Variants in LSM6 observed in about 807,000 individuals in gnomAD.
LSM6 encodes the protein LSM6 homolog, U6 small nuclear RNA and mRNA degradation associated, also known as U6 snRNA-associated Sm-like protein LSm6.
LSM6 carries 2 observed loss-of-function variants against 13.5 expected under a neutral mutation model. That is an observed-to-expected ratio of 0.15 (90% CI 0.06 to 0.47). LSM6 has a LOEUF of 0.47. Ranked by LOEUF, LSM6 falls within the 20% of genes least tolerant of loss-of-function variation. The probability of loss-of-function intolerance (pLI) is 0.97; values close to 1 mark genes in which losing one functional copy is unlikely to be tolerated. For missense variants in LSM6, 58 were observed against 96.4 expected, an observed-to-expected ratio of 0.60 and a Z score of 1.67; for synonymous variants, 43 against 34.9, an observed-to-expected ratio of 1.23 and a Z score of -0.82.
rs200904656 is a variant in LSM6, at chr4:146,189,694, A to AT, written c.*45dup. On this transcript the variant is annotated 3_prime_UTR_variant, in exon 4 of 4. Transcript: ENST00000296581. Reference sequence around the variant, plus strand: ...AGCAACGCTTTTCATAGTTGGATATATTTTTTTATGAATTTTTTCTAATTT... The same window carrying AT: ...AGCAACGCTTTTCATAGTTGGATATATTTTTTTTATGAATTTTTTCTAATTT... 0.01 allele frequency: 15,411 copies of AT among 1,537,594 alleles called. 98 individuals are homozygous for AT. Among genetic ancestry groups the AT allele is most frequent in the Non-Finnish European group, 0.012 (14,007 of 1,129,624 alleles).
At chr4:146,187,829 A>G (rs17757685) in intron 3 of LSM6, among the ~76,000 whole-genome samples, 36,144 of 152,154 alleles carry the variant, frequency 0.24, 4,859 homozygotes, top group Non-Finnish European at 0.3. Context: ...TGCATCCTTC[A>G]GTTTGGCAAA....
intron 2 of LSM6, among the ~76,000 whole-genome samples, chr4:146,184,422 C>T (rs554750834): frequency 3.8e-4 from 58 of 152,152 alleles, no homozygotes; most frequent in Non-Finnish European, 7.1e-4. Context: ...AGGCTCGGCT[C>T]ATAAGCCTTG....
rs1730440892 is a variant in LSM6, at chr4:146,190,245, G to A, written c.*589G>A. The A allele has an allele frequency of 6.6e-6, 1 of 152,434 alleles. No individual in the cohort carries two copies. Among genetic ancestry groups the A allele is most frequent in the Admixed American group, 6.5e-5 (1 of 15,286 alleles). The allele number at this position is 152,434 out of a possible 1,614,324, so 9.4% of individuals were successfully genotyped here. ...CACATAAGGAGTGGGAATTCGAACT[G>A]AGGTGCTGGAGAAATCCTAAAGATG... On this transcript the variant is annotated 3_prime_UTR_variant, in exon 4 of 4. Coordinates refer to ENST00000296581, the MANE Select transcript of LSM6 (RefSeq NM_007080.3).
intron 1 of LSM6, among the ~76,000 whole-genome samples, chr4:146,180,487 TTAA>T (rs561284211): frequency 6.6e-5 from 10 of 151,800 alleles, no homozygotes; most frequent in Non-Finnish European, 1.5e-4. Flanking sequence ...AAAGTTAATA[TTAA>T]TAATACTTTT....
intron 3 of LSM6, 29 bp from the exon 4 acceptor site, chr4:146,189,593 T>A (rs751019040): frequency 3.9e-6 from 6 of 1,520,100 alleles, no homozygotes; most frequent in Non-Finnish European, 4.5e-6. Context: ...GTTTTTTAAA[T>A]TTCAATTTAT....
intron 1 of LSM6, among the ~76,000 whole-genome samples, chr4:146,180,324 G>C (rs1269865886): frequency 6.6e-6 from 1 of 152,176 alleles, no homozygotes; most frequent in Admixed American, 6.5e-5. Context: ...AACCCTGTGC[G>C]CCTGAACTTG....
intron 1 of LSM6, among the ~76,000 whole-genome samples, chr4:146,178,966 C>G (rs528829112): frequency 6.6e-6 from 1 of 152,320 alleles, no homozygotes; most frequent in East Asian, 1.9e-4. Flanking sequence ...GAATCTAACT[C>G]TGGTAGCACA....
At position 146,190,597 on chromosome 4, in the gene LSM6, G is replaced by C. The variant is rs1449389695; in HGVS notation, c.*941G>C. On this transcript the variant is annotated 3_prime_UTR_variant, in exon 4 of 4. Coordinates refer to ENST00000296581, the MANE Select transcript of LSM6 (RefSeq NM_007080.3). The stretch of plus-strand genomic sequence containing the variant: ...TGTATTTGCCTTTGACATTGTCCAG[G>C]AGCAGAGCACCAGGCTTTATGTTGC... The C allele has an allele frequency of 6.6e-6, 1 of 152,272 alleles. No homozygotes were observed. The highest frequency in any genetic ancestry group is 2.4e-5 in the African/African-American group (1 of 41,460). 9.4% of individuals were successfully genotyped at this position (152,272 alleles called of 1,614,324 possible). A position where few individuals can be genotyped will look rare whatever the true frequency, so the allele number is the denominator to read the frequency against.
Position 146,177,501 on chromosome 4 carries a change from A to G in LSM6, c.-11+1690A>G, listed in dbSNP as rs1730136810. ...TTTCAGGTTCCCTATATGTTAGAAT[A>G]AAACACCCCTGATTAATTATAACCT... On this transcript the variant is annotated intron_variant, in intron 1 of 3. Coordinates refer to ENST00000296581, the MANE Select transcript of LSM6 (RefSeq NM_007080.3). 2.0e-5 allele frequency among the ~76,000 whole-genome samples: 3 copies of G among 152,194 alleles called. 1 individual carries two copies. In the South Asian group the frequency reaches 6.2e-4, roughly 32 times the overall value.
At chr4:146,180,098 G>C (rs1730200782) in intron 1 of LSM6, among the ~76,000 whole-genome samples, 1 of 152,222 alleles carries the variant, frequency 6.6e-6, no homozygotes, top group Non-Finnish European at 1.5e-5. Flanking sequence ...TTCAGCTAGG[G>C]GGTGACGCCT....
At chr4:146,183,062 A>G (rs1394885478) in intron 2 of LSM6, 47 bp downstream of exon 2, 7 of 1,309,984 alleles carry the variant, frequency 5.3e-6, no homozygotes, top group South Asian at 3.5e-5. Flanking sequence ...GAATAAGTAA[A>G]TGTGACTTAC....
chr4:146,185,990 A>G (rs1038025435), intron 2 of LSM6, among the ~76,000 whole-genome samples: 5 of 151,904 alleles, frequency 3.3e-5, no homozygotes, highest in African/African-American at 9.7e-5. Context: ...GCCAGCTTCT[A>G]CCTCCCAAAG....
At chr4:146,187,022 G>A (rs1468998001) in intron 2 of LSM6, among the ~76,000 whole-genome samples, 1 of 152,152 alleles carries the variant, frequency 6.6e-6, no homozygotes, top group Non-Finnish European at 1.5e-5. Context: ...GTGGTCATAC[G>A]TACCATGAGG....
chr4:146,181,500 C>T (rs1010858135), intron 1 of LSM6, among the ~76,000 whole-genome samples: 2 of 152,156 alleles, frequency 1.3e-5, no homozygotes, highest in East Asian at 3.9e-4. Flanking sequence ...CTGCTGATCC[C>T]GTGTGAATTC....
chr4:146,184,683 A>G (rs1310966556), intron 2 of LSM6, among the ~76,000 whole-genome samples: 4 of 152,182 alleles, frequency 2.6e-5, no homozygotes, highest in Non-Finnish European at 4.4e-5. Flanking sequence ...ATGTCTTCTC[A>G]GTACCCACTT....
intron 1 of LSM6, among the ~76,000 whole-genome samples, chr4:146,176,940 G>A (rs1002636322): frequency 1.3e-5 from 2 of 152,046 alleles, no homozygotes; most frequent in Admixed American, 6.6e-5. Flanking sequence ...ACACATTGCT[G>A]CAGTGTTTTC....
Position 146,175,735 on chromosome 4 carries a change from C to A in LSM6, c.-87C>A, listed in dbSNP as rs551066115. The stretch of plus-strand genomic sequence containing the variant: ...AAAAGTGCCCCTGCCTCGGCGCTTT[C>A]GGTTTTGGCTGGGATCATCCGCGGC... On this transcript the variant is annotated 5_prime_UTR_variant, in exon 1 of 4. Transcript: ENST00000296581. 3 of 152,300 alleles carry A rather than the reference C, an allele frequency of 2.0e-5. No homozygotes were observed. Among genetic ancestry groups the A allele is most frequent in the African/African-American group, 7.2e-5 (3 of 41,456 alleles). 9.4% of individuals were successfully genotyped at this position (152,300 alleles called of 1,614,324 possible).
At chr4:146,189,251 C>T (rs936532089) in intron 3 of LSM6, among the ~76,000 whole-genome samples, 6 of 152,142 alleles carry the variant, frequency 3.9e-5, no homozygotes, top group African/African-American at 1.4e-4. Context: ...CTTCAGCCTC[C>T]CAAAGTGCTA....
chr4:146,189,746 C>A lies in LSM6; in HGVS notation c.*90C>A. The A allele has an allele frequency of 1.2e-6, 1 of 860,262 alleles. No individual in the cohort carries two copies. The highest frequency in any genetic ancestry group is 1.6e-5 in the South Asian group (1 of 63,518). 53.3% of individuals were successfully genotyped at this position (860,262 alleles called of 1,614,324 possible). The stretch of plus-strand genomic sequence containing the variant: ...TGCTTCTTTTGTGATACAATTTGTC[C>A]TCTTTTTATAATAGTTGGTGATTTT... On this transcript the variant is annotated 3_prime_UTR_variant, in exon 4 of 4. Transcript: ENST00000296581.
Sources: gnomAD v4.1 joint callset for allele counts (sites outside exome capture counted in the v4.1 genomes callset) on GRCh38, gnomAD v4.1.1 for gene constraint, MANE v1.5 for transcripts, NCBI Gene and HGNC (gene_info 2026-07-23, HGNC 2026-07-21) for gene names.